The following PCDH15 variants were observed in gnomAD, a reference collection of about 807,000 sequenced individuals.
PCDH15 encodes protocadherin-15.
A neutral mutation model predicts 178.5 loss-of-function variants in PCDH15; 129 were observed. The ratio of observed to expected loss-of-function variants is 0.72; its 90% CI spans 0.63 to 0.84. The LOEUF (loss-of-function observed/expected upper bound fraction) is 0.84. PCDH15 is among the 40% of genes least tolerant of loss of function. The pLI, the probability that PCDH15 is intolerant of heterozygous loss-of-function variation, is 0.00. For synonymous variants in PCDH15, 800 were observed against 732.0 expected, an observed-to-expected ratio of 1.09 and a Z score of -1.50; for missense variants, 2,230 against 2,099.9, an observed-to-expected ratio of 1.06 and a Z score of -1.21.
chr10:55,001,201 C>T (rs1463144368), intron 2 of PCDH15, among the ~76,000 whole-genome samples: 3 of 152,192 alleles, frequency 2.0e-5, no homozygotes, highest in African/African-American at 4.8e-5. Flanking sequence ...AAGCTACCCA[C>T]TTCGGGTCTC....
At chr10:53,822,604 A>AAAC (rs1208510550) in intron 32 of PCDH15, 1 of 1,613,942 alleles carries the variant, frequency 6.2e-7, no homozygotes, top group African/African-American at 1.3e-5. Flanking sequence ...GAAGAATGTA[A>AAAC]AACACAAGGC....
chr10:54,086,675 T>C (rs1317107862), intron 16 of PCDH15, among the ~76,000 whole-genome samples: 1 of 152,090 alleles, frequency 6.6e-6, no homozygotes, highest in Non-Finnish European at 1.5e-5. Context: ...AAAGTGACCA[T>C]AGGATAGAAG....
chr10:55,213,120 G>A (rs779049101), intron 1 of PCDH15, among the ~76,000 whole-genome samples: 28 of 152,054 alleles, frequency 1.8e-4, no homozygotes, highest in Admixed American at 3.3e-4. Flanking sequence ...AATTTCTGGC[G>A]TAGAAATTAA....
At chr10:54,310,169 G>A (rs536739120) in intron 8 of PCDH15, among the ~76,000 whole-genome samples, 2 of 152,144 alleles carry the variant, frequency 1.3e-5, no homozygotes, top group South Asian at 4.2e-4. Context: ...AAAGTGGTCA[G>A]ATATAAGTTA....
At chr10:53,980,221 A>AT (rs1185247783) in intron 21 of PCDH15, among the ~76,000 whole-genome samples, 15 of 6,486 alleles carry the variant, frequency 2.3e-3, no homozygotes, top group Non-Finnish European at 2.1e-4. Context: ...ACTCCATCTC[A>AT]AAAAAAAAAA....
intron 3 of PCDH15, among the ~76,000 whole-genome samples, chr10:54,489,849 C>T (rs1565406109): frequency 6.6e-6 from 1 of 151,876 alleles, no homozygotes; most frequent in Non-Finnish European, 1.5e-5. Flanking sequence ...TTAAGATTTG[C>T]TTGCTTGCTT....
At chr10:53,949,178 C>A (rs1435906823) in intron 23 of PCDH15, among the ~76,000 whole-genome samples, 3 of 152,104 alleles carry the variant, frequency 2.0e-5, no homozygotes, top group Non-Finnish European at 2.9e-5. Context: ...CACAGGGAAC[C>A]TATCAAAACT....
chr10:54,001,698 T>C (rs1057499692), intron 20 of PCDH15, among the ~76,000 whole-genome samples: 2 of 151,598 alleles, frequency 1.3e-5, no homozygotes, highest in Non-Finnish European at 2.9e-5. Flanking sequence ...AATAACAAAA[T>C]GGAAGCAATA....
intron 2 of PCDH15, among the ~76,000 whole-genome samples, chr10:55,076,243 G>C (rs1235979717): frequency 6.6e-6 from 1 of 152,042 alleles, no homozygotes; most frequent in East Asian, 1.9e-4. Context: ...TGTCTGTTAT[G>C]TTCATTTGCT....
intron 2 of PCDH15, among the ~76,000 whole-genome samples, chr10:55,445,786 C>G (rs1283069913): frequency 2.0e-5 from 3 of 152,120 alleles, no homozygotes; most frequent in African/African-American, 7.2e-5. Flanking sequence ...GGATCACGTG[C>G]AACTTTGCAT....
intron 2 of PCDH15, among the ~76,000 whole-genome samples, chr10:55,394,266 C>A (rs572660650): frequency 3.3e-5 from 5 of 151,766 alleles, no homozygotes; most frequent in Admixed American, 3.3e-4. Context: ...CCACTTTGGT[C>A]TCACTTTCTT....
At chr10:55,180,354 AC>A (rs1240689706) in intron 1 of PCDH15, among the ~76,000 whole-genome samples, 1 of 152,144 alleles carries the variant, frequency 6.6e-6, no homozygotes, top group Non-Finnish European at 1.5e-5. Context: ...TGGATTCTAT[AC>A]CTTTGAGATG....
chr10:55,056,834 G>A (rs1037593523), intron 2 of PCDH15, among the ~76,000 whole-genome samples: 3 of 151,392 alleles, frequency 2.0e-5, no homozygotes, highest in Non-Finnish European at 4.4e-5. Context: ...GAGTTTCACC[G>A]TATTGCACAG....
chr10:54,606,584 T>C (rs569156636), intron 2 of PCDH15: 1 of 152,218 alleles, frequency 6.6e-6, no homozygotes, highest in Non-Finnish European at 1.5e-5. Flanking sequence ...TTGTGCTGTC[T>C]TGGACATGGA....
intron 18 of PCDH15, among the ~76,000 whole-genome samples, chr10:54,053,277 C>T (rs1181606105): frequency 6.6e-6 from 1 of 152,104 alleles, no homozygotes; most frequent in Non-Finnish European, 1.5e-5. Context: ...TACCGGTTCT[C>T]TTTTTACATT....
intron 1 of PCDH15, among the ~76,000 whole-genome samples, chr10:54,726,847 A>AG (rs1446764389): frequency 6.8e-6 from 1 of 147,744 alleles, no homozygotes; most frequent in Admixed American, 6.8e-5. Flanking sequence ...ATTCGGATTA[A>AG]AAAGAAGAAA....
intron 2 of PCDH15, among the ~76,000 whole-genome samples, chr10:55,477,934 C>T (rs1565179508): frequency 6.6e-6 from 1 of 151,702 alleles, no homozygotes; most frequent in Non-Finnish European, 1.5e-5. Context: ...ATGCTATCTA[C>T]AAGAAATTTA....
At chr10:55,289,186 T>G (rs535238608) in intron 1 of PCDH15, among the ~76,000 whole-genome samples, 1 of 152,158 alleles carries the variant, frequency 6.6e-6, no homozygotes, top group South Asian at 2.1e-4. Flanking sequence ...TCTCCCCACA[T>G]CTTGTGAGTC....
At chr10:54,440,512 C>T (rs2075732776) in intron 3 of PCDH15, among the ~76,000 whole-genome samples, 1 of 151,776 alleles carries the variant, frequency 6.6e-6, no homozygotes, top group South Asian at 2.1e-4. Context: ...ATTTATTTGG[C>T]ATATTTTTTA....
Sources: allele counts gnomAD v4.1 joint callset (sites outside exome capture counted in the v4.1 genomes callset), GRCh38; gene constraint gnomAD v4.1.1; transcripts MANE v1.5; gene names NCBI Gene and HGNC (gene_info 2026-07-23, HGNC 2026-07-21).